Variants in ZNF674 observed in about 807,000 individuals in gnomAD.
ZNF674 encodes zinc finger family member 674.
Under a neutral mutation model 7.0 loss-of-function variants are expected in ZNF674, and 2 were observed. That is an observed-to-expected ratio of 0.29 (90% CI 0.12 to 0.90). The LOEUF (loss-of-function observed/expected upper bound fraction) is 0.90. Ranked by LOEUF, ZNF674 falls within the 40% of genes least tolerant of loss-of-function variation. The pLI is 0.57. For missense variants in ZNF674, 297 were observed against 415.5 expected, an observed-to-expected ratio of 0.71 and a Z score of 2.48; for synonymous variants, 103 against 145.2, an observed-to-expected ratio of 0.71 and a Z score of 2.09.
chrX:46,505,037 A>C (rs993911312), intron 5 of ZNF674, among the ~76,000 whole-genome samples: 3 of 109,536 alleles, frequency 2.7e-5, no homozygotes, highest in Non-Finnish European at 5.7e-5. Context: ...TTACAGGTGC[A>C]CACCACCACA....
At chrX:46,511,017 A>G (rs980237151) in intron 5 of ZNF674, among the ~76,000 whole-genome samples, 2 of 111,860 alleles carry the variant, frequency 1.8e-5, no homozygotes, top group African/African-American at 3.2e-5. Flanking sequence ...CAACTATTTA[A>G]TATGTGCAAA....
chrX:46,545,011 T>A (rs1942353525), intron 1 of ZNF674, among the ~76,000 whole-genome samples: 1 of 111,662 alleles, frequency 9.0e-6, no homozygotes, highest in African/African-American at 3.3e-5. Flanking sequence ...AAAGGATTCC[T>A]CGGGTTTGCT....
At chrX:46,521,659 GA>G (rs1941915870) in intron 5 of ZNF674, among the ~76,000 whole-genome samples, 1 of 107,825 alleles carries the variant, frequency 9.3e-6, no homozygotes, top group Non-Finnish European at 1.9e-5. Context: ...GGAGGGGGGG[GA>G]GGTGGATCAC....
intron 5 of ZNF674, among the ~76,000 whole-genome samples, chrX:46,502,624 G>A (rs1262271995): frequency 9.0e-6 from 1 of 111,728 alleles, no homozygotes; most frequent in African/African-American, 3.3e-5. Flanking sequence ...ACAGATCTTG[G>A]GAAATCACTT....
At chrX:46,513,707 C>T (rs897952894) in intron 5 of ZNF674, among the ~76,000 whole-genome samples, 3 of 111,611 alleles carry the variant, frequency 2.7e-5, no homozygotes, top group Non-Finnish European at 5.6e-5. Context: ...CAGGCCTTTA[C>T]GGGACTCAAA....
chrX:46,544,793 C>G (rs1185845499), intron 1 of ZNF674, among the ~76,000 whole-genome samples, 182 bp from the exon 2 acceptor site: 1 of 111,876 alleles, frequency 8.9e-6, no homozygotes, highest in African/African-American at 3.3e-5. Context: ...CCCTGCCTTC[C>G]TGAGTCCGGG....
rs763363600 is a variant in ZNF674 at position 46,500,598 on chromosome X, T to G, written c.976A>C (p.Ile326Leu). Residue 326 changes from isoleucine to leucine, a missense_variant, in exon 6 of 6, where the codon ATT becomes CTT. Physicochemically the swap from Ile to Leu is conservative, Grantham distance 5. Coordinates refer to ENST00000683375, the MANE Select transcript of ZNF674 (RefSeq NM_001190417.2). ...YHLIRHEKTH[I>L]RQAFYKGIKC... ...ATACCTTTATAAAATGCTTGTCTAATGTGTGTTTTTTCATGTCTAATAAGA... is the reference window on the plus strand; with the variant it reads ...ATACCTTTATAAAATGCTTGTCTAAGGTGTGTTTTTTCATGTCTAATAAGA... 1.7e-6 allele frequency: 2 copies of G among 1,211,462 alleles called. No homozygotes were observed. The highest frequency in any genetic ancestry group is 5.9e-5 in the East Asian group (2 of 33,865).
intron 5 of ZNF674, among the ~76,000 whole-genome samples, chrX:46,512,019 A>G (rs1226935493): frequency 1.1e-5 from 1 of 92,246 alleles, no homozygotes; most frequent in Non-Finnish European, 2.1e-5. Context: ...GTGAAACTCC[A>G]TCTCAAAAAA....
At chrX:46,521,888 CA>C (rs776266464) in intron 5 of ZNF674, among the ~76,000 whole-genome samples, 2 of 97,245 alleles carry the variant, frequency 2.1e-5, no homozygotes, top group African/African-American at 7.6e-5. Context: ...GACTCTGTCT[CA>C]AAAAAAAAGA....
At position 46,528,639 on chromosome X, in the gene ZNF674, A is replaced by G. The variant is rs112972248; in HGVS notation, c.142+144T>C. Reference sequence around the variant, plus strand: ...CTCTCCAGTGTCCAAAGGAGACTACAAATACTACACAGTGGGCAGTAACCC... The same window carrying G: ...CTCTCCAGTGTCCAAAGGAGACTACGAATACTACACAGTGGGCAGTAACCC... On this transcript the variant is annotated intron_variant, in intron 4 of 5. Transcript: ENST00000683375. 7.4e-4 allele frequency: 818 copies of G among 1,106,606 alleles called. 5 individuals carry two copies. The South Asian group carries it at 0.011, about 15-fold the overall frequency. The allele number at this position is 1,106,606 out of a possible 1,213,427, so 91.2% of individuals were successfully genotyped here.
At chrX:46,517,013 A>G (rs191911601) in intron 5 of ZNF674, among the ~76,000 whole-genome samples, 98 of 110,875 alleles carry the variant, frequency 8.8e-4, no homozygotes, top group African/African-American at 3.2e-3. Context: ...CAAAAAAAAA[A>G]AAAGAAAAAG....
At chrX:46,535,294 G>A (rs764977034) in intron 3 of ZNF674, among the ~76,000 whole-genome samples, 2 of 109,927 alleles carry the variant, frequency 1.8e-5, no homozygotes, top group Non-Finnish European at 3.8e-5. Context: ...CTATAGGCAC[G>A]CACCACCACG....
At chrX:46,505,762 A>C (rs1941523144) in intron 5 of ZNF674, among the ~76,000 whole-genome samples, 1 of 102,635 alleles carries the variant, frequency 9.7e-6, no homozygotes, top group African/African-American at 3.6e-5. Flanking sequence ...AAAGAGCAAA[A>C]CTCTGTCACA....
At chrX:46,542,208 G>A (rs917303204) in intron 2 of ZNF674, 92 bp from the exon 3 acceptor site, 1 of 467,700 alleles carries the variant, frequency 2.1e-6, no homozygotes, top group African/African-American at 2.5e-5. Context: ...TGCACCCTGG[G>A]AAGAATCATC....
intron 1 of ZNF674, among the ~76,000 whole-genome samples, chrX:46,545,087 A>G (rs1225564787): frequency 8.9e-6 from 1 of 111,857 alleles, no homozygotes; most frequent in Non-Finnish European, 1.9e-5. Flanking sequence ...ACATGAAAAT[A>G]ATCATCGTAA....
chrX:46,509,802 G>T (rs778553990), intron 5 of ZNF674, among the ~76,000 whole-genome samples: 3,483 of 103,398 alleles, frequency 0.034, 193 homozygotes, highest in African/African-American at 0.12. Flanking sequence ...TATACCCAAA[G>T]GACTATAAAT....
rs755777788 is a variant in ZNF674 at position 46,502,305 on chromosome X, C to CAAA, written c.239-973_239-971dup. ...TAGGTGACAGAGCAAGACTCCGTCT[C>CAAA]AAAAAAAAAAAAAGAAAAGAAAATT... is the stretch of plus-strand genomic sequence containing the variant. On this transcript the variant is annotated intron_variant, in intron 5 of 5. Transcript: ENST00000683375. Among the ~76,000 whole-genome samples, 2 of 70,821 alleles carry CAAA rather than the reference C, an allele frequency of 2.8e-5. 1 individual carries two copies. Among genetic ancestry groups the CAAA allele is most frequent in the Non-Finnish European group, 5.1e-5 (2 of 39,466 alleles). The allele number at this position is 70,821 out of a possible 115,157, so 61.5% of individuals were successfully genotyped here.
chrX:46,500,388 A>T lies in ZNF674; in HGVS notation c.1186T>A (p.Ser396Thr). 1 of 1,210,419 alleles carries T rather than the reference A, an allele frequency of 8.3e-7. No individual in the cohort carries two copies. The highest frequency in any genetic ancestry group is 1.7e-5 in the African/African-American group (1 of 57,676). Residue 396 changes from serine (S) to threonine (T), a missense_variant, in exon 6 of 6, where the codon TCT (serine) becomes ACT (threonine). Physicochemically the swap from Ser to Thr is moderately conservative, Grantham distance 58 (BLOSUM62 1). Coordinates refer to ENST00000683375, the MANE Select transcript of ZNF674 (RefSeq NM_001190417.2). ...GKSFRGKSHLSVHQRIHTGEK... is the reference protein window; with the variant it reads ...GKSFRGKSHLTVHQRIHTGEK... ...CCTGTATGAATTCTCTGATGAACAG[A>T]GAGGTGTGACTTTCCTCTGAAGCTT... is the stretch of plus-strand genomic sequence containing the variant.
At chrX:46,511,522 G>A (rs183356979) in intron 5 of ZNF674, among the ~76,000 whole-genome samples, 14 of 112,021 alleles carry the variant, frequency 1.2e-4, no homozygotes, top group Admixed American at 1.0e-3. Flanking sequence ...CTGAGTAAGA[G>A]TTCACTGAAA....
Sources: allele counts gnomAD v4.1 joint callset (sites outside exome capture counted in the v4.1 genomes callset), GRCh38; gene constraint gnomAD v4.1.1; transcripts MANE v1.5; gene names NCBI Gene and HGNC (gene_info 2026-07-23, HGNC 2026-07-21).